Variants in DAB1 observed in about 807,000 individuals in gnomAD.
DAB1 encodes the protein disabled homolog 1.
Under a neutral mutation model 64.6 loss-of-function variants are expected in DAB1, and 15 were observed. The ratio of observed to expected loss-of-function variants is 0.23; its 90% CI spans 0.16 to 0.36. The LOEUF is 0.36. Among genes scored for constraint, DAB1 ranks in the 10% least tolerant of loss-of-function variants. DAB1 has a pLI of 1.00. For synonymous variants in DAB1, 235 were observed against 251.9 expected (o/e 0.93, Z 0.64); for missense variants, 596 against 706.7 (o/e 0.84, Z 1.78).
intron 5 of DAB1, among the ~76,000 whole-genome samples, chr1:58,133,744 A>C (rs1653777532): frequency 6.6e-6 from 1 of 152,212 alleles, no homozygotes; most frequent in Non-Finnish European, 1.5e-5. Flanking sequence ...CACTCTGTGA[A>C]GTTTCCAAGT....
At chr1:57,975,366 A>T (rs895404980) in intron 5 of DAB1, among the ~76,000 whole-genome samples, 1 of 152,248 alleles carries the variant, frequency 6.6e-6, no homozygotes, top group African/African-American at 2.4e-5. Flanking sequence ...TGAGTGTTTA[A>T]AGAGGGCAAT....
chr1:58,394,715 T>C (rs997730922), intron 3 of DAB1, among the ~76,000 whole-genome samples: 2 of 152,164 alleles, frequency 1.3e-5, no homozygotes, highest in Non-Finnish European at 2.9e-5. Flanking sequence ...CAGCTAAAAT[T>C]GGATCAATGA....
chr1:57,225,992 C>T (rs1667234095), intron 2 of DAB1, among the ~76,000 whole-genome samples: 2 of 152,112 alleles, frequency 1.3e-5, no homozygotes, highest in Admixed American at 6.5e-5. Context: ...CTCCTGCCTC[C>T]TTGAAACACC....
At chr1:57,823,638 G>C (rs1259076121), downstream of DAB1, among the ~76,000 whole-genome samples, 2 of 152,126 alleles carry the variant, frequency 1.3e-5, no homozygotes, top group Non-Finnish European at 2.9e-5. Flanking sequence ...CAGACTGTCT[G>C]GTGCAAAGTA....
At chr1:58,416,936 AATC>A (rs1357265183) in intron 3 of DAB1, among the ~76,000 whole-genome samples, 5 of 152,226 alleles carry the variant, frequency 3.3e-5, no homozygotes, top group African/African-American at 1.2e-4. Flanking sequence ...GTATCTCACT[AATC>A]ATTTTTATCC....
At chr1:58,367,289 T>C (rs2100531240) in intron 3 of DAB1, among the ~76,000 whole-genome samples, 1 of 152,338 alleles carries the variant, frequency 6.6e-6, no homozygotes, top group African/African-American at 2.4e-5. Context: ...CACTACTTAC[T>C]TGGATGTCTC....
intron 4 of DAB1, among the ~76,000 whole-genome samples, chr1:57,097,797 A>T (rs1296446369): frequency 6.8e-6 from 1 of 148,000 alleles, no homozygotes; most frequent in Non-Finnish European, 1.5e-5. Flanking sequence ...TTTATTTTTG[A>T]GACAGAGTCT....
In DAB1 at chr1:57,498,424, AG is replaced by A. The variant is rs1644254037; in HGVS notation, n.625+151167del. Among the ~76,000 whole-genome samples, 6 of 152,312 alleles carry A rather than the reference AG, an allele frequency of 3.9e-5. No individual in the cohort carries two copies. The South Asian group carries it at 1.2e-3, about 32-fold the overall frequency. ...AAAAAGATGGCCTGAAAGGGCACAA[AG>A]GAATAACCAGAGATAACTGAGAAAA... is the stretch of plus-strand genomic sequence containing the variant. On this transcript the variant is annotated intron_variant and non_coding_transcript_variant, in intron 7 of 20. Transcript: ENST00000485760.
At chr1:57,877,330 G>A (rs992300490) in intron 1 of DAB1, among the ~76,000 whole-genome samples, 2 of 152,008 alleles carry the variant, frequency 1.3e-5, no homozygotes, top group African/African-American at 2.4e-5. Context: ...TGTTGTGGGC[G>A]CCCTGAGTTT....
chr1:58,268,760 T>C (rs1661236200), intron 4 of DAB1, among the ~76,000 whole-genome samples: 1 of 152,072 alleles, frequency 6.6e-6, no homozygotes, highest in African/African-American at 2.4e-5. Context: ...AGTAGAAAAA[T>C]CCATCCTAAA....
intron 1 of DAB1, among the ~76,000 whole-genome samples, chr1:57,329,243 C>G (rs1276822174): frequency 1.3e-5 from 2 of 152,126 alleles, no homozygotes; most frequent in Admixed American, 6.5e-5. Flanking sequence ...GCAAGAGGAG[C>G]GGATCCCAGG....
At chr1:58,160,914 A>G (rs750036271) in intron 4 of DAB1, among the ~76,000 whole-genome samples, 2 of 152,208 alleles carry the variant, frequency 1.3e-5, no homozygotes, top group Non-Finnish European at 2.9e-5. Context: ...CCTGCCTTGA[A>G]AAAAATGCAG....
chr1:58,539,263 G>A, intron 1 of DAB1: 3 of 865,048 alleles, frequency 3.5e-6, no homozygotes, highest in African/African-American at 1.6e-5. Context: ...ATGGTTTCTA[G>A]CAGCAGACTG....
At chr1:57,333,377 G>A (rs1001482374) in intron 1 of DAB1, among the ~76,000 whole-genome samples, 14 of 152,218 alleles carry the variant, frequency 9.2e-5, no homozygotes, top group Admixed American at 1.3e-4. Flanking sequence ...CCTCATCTCC[G>A]ACAGGAGAAT....
rs530535786 is a variant in DAB1 at position 58,470,718 on chromosome 1, C to T, written n.257+35342G>A. Among the ~76,000 whole-genome samples, 6 of 152,282 alleles carry T rather than the reference C, an allele frequency of 3.9e-5. No individual in the cohort carries two copies. In the South Asian group the frequency reaches 1.0e-3, roughly 26 times the overall value. On this transcript the variant is annotated intron_variant and non_coding_transcript_variant, in intron 3 of 20. Coordinates refer to the DAB1 transcript ENST00000485760. ...ATATATTTGCATCTCGCACGCAGTC[C>T]GTCTTCCTGACTCCTGTCTACTTAA... is the stretch of plus-strand genomic sequence containing the variant.
At chr1:57,106,300 G>T (rs188602996) in intron 4 of DAB1, among the ~76,000 whole-genome samples, 1 of 151,584 alleles carries the variant, frequency 6.6e-6, no homozygotes, top group Admixed American at 6.6e-5. Flanking sequence ...TGTTTGGGGG[G>T]AATTTTTAGT....
At chr1:57,142,635 C>CACAT (rs1553147886) in intron 3 of DAB1, among the ~76,000 whole-genome samples, 4 of 135,866 alleles carry the variant, frequency 2.9e-5, no homozygotes, top group African/African-American at 1.1e-4. Flanking sequence ...CACACATACA[C>CACAT]ACACACACAC....
At chr1:58,187,834 C>T (rs563038284) in intron 4 of DAB1, among the ~76,000 whole-genome samples, 4 of 151,184 alleles carry the variant, frequency 2.6e-5, no homozygotes, top group Non-Finnish European at 4.4e-5. Flanking sequence ...CTGCCTTGGC[C>T]TCCCAAAGTG....
At chr1:57,441,272 C>CTTTCTCTTTCTTTCTT (rs1233564720) in intron 7 of DAB1, among the ~76,000 whole-genome samples, 3 of 72,576 alleles carry the variant, frequency 4.1e-5, no homozygotes, top group African/African-American at 1.0e-4. Context: ...TTCTTTCTTT[C>CTTTCTCTTTCTTTCTT]TCTTTCTTTC....
Sources: gnomAD v4.1 joint callset for allele counts (sites outside exome capture counted in the v4.1 genomes callset) on GRCh38, gnomAD v4.1.1 for gene constraint, MANE v1.5 for transcripts, NCBI Gene and HGNC (gene_info 2026-07-23, HGNC 2026-07-21) for gene names.